The following ASTN1 variants were observed in gnomAD, a reference collection of about 807,000 sequenced individuals.
ASTN1 encodes the protein astrotactin 1, also known as astrotactin-1.
ASTN1 carries 41 observed loss-of-function variants against 140.7 expected under a neutral mutation model. That is an observed-to-expected ratio of 0.29 (90% CI 0.23 to 0.38). The LOEUF is 0.38. Ranked by LOEUF, ASTN1 falls within the 10% of genes least tolerant of loss-of-function variation. ASTN1 has a pLI of 1.00. For missense variants in ASTN1, 1,479 were observed against 1,678.8 expected (o/e 0.88, Z 2.08); for synonymous variants, 640 against 652.2 (o/e 0.98, Z 0.29).
At chr1:177,123,788 G>A (rs768481163) in intron 1 of ASTN1, among the ~76,000 whole-genome samples, 4 of 152,194 alleles carry the variant, frequency 2.6e-5, no homozygotes, top group Non-Finnish European at 5.9e-5. Flanking sequence ...GGCCAGTGGT[G>A]CAGCAAGAAA....
At chr1:177,091,168 T>C (rs541986827) in intron 1 of ASTN1, among the ~76,000 whole-genome samples, 1 of 152,306 alleles carries the variant, frequency 6.6e-6, no homozygotes, top group East Asian at 1.9e-4. Context: ...CAACCAGAAC[T>C]GACCTCAAAA....
At chr1:177,003,852 C>T (rs1236930007) in intron 8 of ASTN1, among the ~76,000 whole-genome samples, 1 of 151,514 alleles carries the variant, frequency 6.6e-6, no homozygotes, top group Non-Finnish European at 1.5e-5. Context: ...GAAAGGAAAA[C>T]CCACAACCAA....
chr1:177,110,655 A>G (rs1680782242), intron 1 of ASTN1, among the ~76,000 whole-genome samples: 1 of 152,192 alleles, frequency 6.6e-6, no homozygotes, highest in Non-Finnish European at 1.5e-5. Flanking sequence ...CTTCATTCAC[A>G]ATGACCCAGG....
At chr1:176,889,497 G>T (rs6687032) in intron 17 of ASTN1, among the ~76,000 whole-genome samples, 18,651 of 152,202 alleles carry the variant, frequency 0.12, 1,487 homozygotes, top group African/African-American at 0.23. Context: ...AAAAGAAAAA[G>T]AGACAAACGG....
intron 8 of ASTN1, among the ~76,000 whole-genome samples, chr1:176,982,706 T>C (rs757618224): frequency 3.9e-5 from 6 of 152,182 alleles, no homozygotes; most frequent in Non-Finnish European, 8.8e-5. Context: ...ATGTCTGATA[T>C]GGGGCATGGC....
At chr1:177,078,476 C>T (rs908085695) in intron 1 of ASTN1, among the ~76,000 whole-genome samples, 2 of 152,160 alleles carry the variant, frequency 1.3e-5, no homozygotes, top group Admixed American at 6.5e-5. Context: ...TGGCCTAGAT[C>T]ATGGAATCCC....
chr1:177,051,667 G>A (rs1018330937), intron 2 of ASTN1, among the ~76,000 whole-genome samples: 6 of 152,108 alleles, frequency 3.9e-5, no homozygotes, highest in Admixed American at 2.0e-4. Flanking sequence ...AGATGACCTC[G>A]GGTCTGTGAG....
At chr1:177,008,486 A>T (rs1675111239) in intron 8 of ASTN1, among the ~76,000 whole-genome samples, 1 of 150,290 alleles carries the variant, frequency 6.7e-6, no homozygotes, top group Admixed American at 6.6e-5. Context: ...GGAGAGGAAG[A>T]GAGAGAGGGA....
At chr1:176,893,653 C>A (rs1228421503) in intron 17 of ASTN1, among the ~76,000 whole-genome samples, 1 of 152,196 alleles carries the variant, frequency 6.6e-6, no homozygotes, top group Admixed American at 6.5e-5. Context: ...ATTATCACCC[C>A]ACCTGGATGG....
intron 8 of ASTN1, among the ~76,000 whole-genome samples, chr1:176,967,822 A>G (rs1432463281): frequency 6.6e-6 from 1 of 152,164 alleles, no homozygotes; most frequent in Non-Finnish European, 1.5e-5. Context: ...AAGAAAATCA[A>G]CTCAAATTGG....
rs1379784748 is a variant in ASTN1 at position 177,024,745 on chromosome 1, C to A, written c.1121-13G>T. On this transcript the variant is annotated splice_polypyrimidine_tract_variant and intron_variant, in intron 5 of 22. Coordinates refer to ENST00000361833, the MANE Select transcript of ASTN1 (RefSeq NM_004319.3). ...CGGGGAGAACCCACTGAAAGTGAGA[C>A]AAAAGCAAGATACATGGTGGTAAAA... is the stretch of plus-strand genomic sequence containing the variant. 1 of 1,610,980 alleles carries A rather than the reference C, an allele frequency of 6.2e-7. No individual in the cohort carries two copies. Among genetic ancestry groups the A allele is most frequent in the Non-Finnish European group, 8.5e-7 (1 of 1,177,518 alleles).
intron 21 of ASTN1, among the ~76,000 whole-genome samples, chr1:176,874,612 C>T (rs1329397180): frequency 1.3e-5 from 2 of 152,114 alleles, no homozygotes; most frequent in Non-Finnish European, 1.5e-5. Flanking sequence ...GGTATTGTGC[C>T]ATTCCTTCAG....
Position 177,070,001 on chromosome 1 carries a change from C to T in ASTN1, c.284-8736G>A, listed in dbSNP as rs1678561114. Among the ~76,000 whole-genome samples, 3 of 152,258 alleles carry T rather than the reference C, an allele frequency of 2.0e-5. No individual in the cohort carries two copies. In the South Asian group the frequency reaches 6.2e-4, roughly 32 times the overall value. ...TGACTTTTGTAAATTGAGATAACAG[C>T]AGGCATTTAATGGAATCTGACATCA... On this transcript the variant is annotated intron_variant, in intron 1 of 22. Coordinates refer to ENST00000361833, the MANE Select transcript of ASTN1 (RefSeq NM_004319.3).
chr1:176,965,112 G>A, intron 9 of ASTN1, 51 bp downstream of exon 9: 1 of 1,554,428 alleles, frequency 6.4e-7, no homozygotes, highest in Non-Finnish European at 8.9e-7. Context: ...GGGGGAAGCG[G>A]AACACAGGGT....
chr1:177,006,692 G>A (rs940726552), intron 8 of ASTN1, among the ~76,000 whole-genome samples: 6 of 152,084 alleles, frequency 3.9e-5, no homozygotes, highest in Non-Finnish European at 8.8e-5. Context: ...CTTGTTGGAG[G>A]AAATATGAGT....
At chr1:177,086,387 A>G (rs901259640) in intron 1 of ASTN1, among the ~76,000 whole-genome samples, 2 of 152,204 alleles carry the variant, frequency 1.3e-5, no homozygotes, top group Non-Finnish European at 2.9e-5. Context: ...ATAATCCCAA[A>G]CTAAACAAAT....
At position 176,869,040 on chromosome 1, in the gene ASTN1, G is replaced by A. The variant is rs776997253; in HGVS notation, c.3464-13C>T. 6.5e-7 allele frequency: 1 copy of A among 1,549,882 alleles called. No individual in the cohort carries two copies. The highest frequency in any genetic ancestry group is 1.4e-5 in the African/African-American group (1 of 73,122). ...TTGTCTGCTATTTCTGAGGAAGGAGGAAAAGGAAAATAAGTTATTTACATA... is the reference window on the plus strand; with the variant it reads ...TTGTCTGCTATTTCTGAGGAAGGAGAAAAAGGAAAATAAGTTATTTACATA... On this transcript the variant is annotated splice_polypyrimidine_tract_variant and intron_variant, in intron 21 of 22. Transcript: ENST00000361833.
At chr1:177,154,539 G>A (rs564892720) in intron 1 of ASTN1, among the ~76,000 whole-genome samples, 1 of 152,220 alleles carries the variant, frequency 6.6e-6, no homozygotes, top group South Asian at 2.1e-4. Flanking sequence ...ATACTAAGTA[G>A]TATGAGTAGA....
intron 1 of ASTN1, among the ~76,000 whole-genome samples, chr1:177,112,927 G>A (rs1159394489): frequency 6.6e-6 from 1 of 152,098 alleles, no homozygotes; most frequent in Non-Finnish European, 1.5e-5. Context: ...GGTTGTGAAG[G>A]TTCTCTTTCA....
Sources: allele counts gnomAD v4.1 joint callset (sites outside exome capture counted in the v4.1 genomes callset), GRCh38; gene constraint gnomAD v4.1.1; transcripts MANE v1.5; gene names NCBI Gene and HGNC (gene_info 2026-07-23, HGNC 2026-07-21).